CPB2: variants seen among roughly 807,000 people sequenced by gnomAD.
The protein encoded by CPB2 is carboxypeptidase B-like protein.
A neutral mutation model predicts 57.0 loss-of-function variants in CPB2; 54 were observed. That is an observed-to-expected ratio of 0.95 (90% CI 0.76 to 1.19). The LOEUF is 1.19. CPB2 is among the 50% of genes most tolerant of loss of function. The pLI, the probability that CPB2 is intolerant of heterozygous loss-of-function variation, is 0.00. For missense variants in CPB2, 426 were observed against 512.0 expected, an observed-to-expected ratio of 0.83 and a Z score of 1.62; for synonymous variants, 189 against 178.1, an observed-to-expected ratio of 1.06 and a Z score of -0.49.
At chr13:46,081,826 T>C (rs537157776) in intron 4 of CPB2, among the ~76,000 whole-genome samples, 7 of 152,334 alleles carry the variant, frequency 4.6e-5, no homozygotes, top group African/African-American at 1.7e-4. Flanking sequence ...GGAATGGCTT[T>C]TAGTGGATTA....
At chr13:46,073,774 C>A in intron 6 of CPB2, 99 bp downstream of exon 6, 1 of 719,768 alleles carries the variant, frequency 1.4e-6, no homozygotes, top group South Asian at 3.7e-5. Flanking sequence ...ATGATGTGAC[C>A]TAGGAAAATG....
chr13:46,063,676 G>A (rs766406879), intron 8 of CPB2, among the ~76,000 whole-genome samples: 5 of 152,076 alleles, frequency 3.3e-5, no homozygotes, highest in Admixed American at 6.5e-5. Flanking sequence ...TTTCCTATGA[G>A]TATATACTCA....
At chr13:46,087,949 T>C in intron 1 of CPB2, 129 bp from the exon 2 acceptor site, 2 of 606,328 alleles carry the variant, frequency 3.3e-6, no homozygotes, top group Non-Finnish European at 5.7e-6. Flanking sequence ...GGACAGAGGA[T>C]CTTACTACAG....
chr13:46,104,455 C>T (rs1304324276), intron 1 of CPB2, among the ~76,000 whole-genome samples: 1 of 152,178 alleles, frequency 6.6e-6, no homozygotes, highest in Non-Finnish European at 1.5e-5. Context: ...TTCTTTATCA[C>T]ACAACTCTTC....
chr13:46,092,073 C>T (rs78667253), intron 1 of CPB2, among the ~76,000 whole-genome samples: 1,902 of 152,220 alleles, frequency 0.012, 36 homozygotes, highest in African/African-American at 0.043. Context: ...CTTTTATTTT[C>T]AAACAAATAT....
At chr13:46,083,684 A>AT (rs1376302064) in intron 3 of CPB2, among the ~76,000 whole-genome samples, 1 of 152,174 alleles carries the variant, frequency 6.6e-6, no homozygotes, top group East Asian at 1.9e-4. Flanking sequence ...TACCCTTAAT[A>AT]TACAAAACTT....
chr13:46,064,352 C>G (rs2139358326), intron 8 of CPB2, among the ~76,000 whole-genome samples: 1 of 152,226 alleles, frequency 6.6e-6, no homozygotes, highest in Admixed American at 6.5e-5. Flanking sequence ...TTAACTGTCA[C>G]TTCTTTATTA....
At chr13:46,054,230 T>G (rs2044650702) in intron 10 of CPB2, among the ~76,000 whole-genome samples, 1 of 152,246 alleles carries the variant, frequency 6.6e-6, no homozygotes, top group Admixed American at 6.5e-5. Flanking sequence ...CACATTTGTT[T>G]GGCATATTTA....
chr13:46,064,206 G>A (rs2044818333), intron 8 of CPB2, among the ~76,000 whole-genome samples: 1 of 152,032 alleles, frequency 6.6e-6, no homozygotes, highest in Non-Finnish European at 1.5e-5. Context: ...GCTGCAGTGA[G>A]CCAAGATTGT....
chr13:46,069,896 A>G (rs890767377), intron 6 of CPB2, among the ~76,000 whole-genome samples: 1 of 152,210 alleles, frequency 6.6e-6, no homozygotes, highest in African/African-American at 2.4e-5. Context: ...TCTTTTGAGG[A>G]ACTTCCACAT....
At chr13:46,068,219 T>C (rs1202375186) in intron 6 of CPB2, among the ~76,000 whole-genome samples, 1 of 152,258 alleles carries the variant, frequency 6.6e-6, no homozygotes, top group Non-Finnish European at 1.5e-5. Flanking sequence ...ATTAAATATT[T>C]AATTTAGTTT....
At chr13:46,085,670 A>C (rs544617984) in intron 2 of CPB2, among the ~76,000 whole-genome samples, 1 of 152,272 alleles carries the variant, frequency 6.6e-6, no homozygotes, top group South Asian at 2.1e-4. Flanking sequence ...TCCCGCCTCT[A>C]TCCTCCAACA....
At chr13:46,068,438 A>C (rs1369715549) in intron 6 of CPB2, among the ~76,000 whole-genome samples, 3 of 152,258 alleles carry the variant, frequency 2.0e-5, no homozygotes, top group East Asian at 3.8e-4. Flanking sequence ...GGAGAGAAAG[A>C]AAAGAAAAAA....
At chr13:46,086,158 C>T (rs1566412755) in intron 2 of CPB2, among the ~76,000 whole-genome samples, 1 of 152,146 alleles carries the variant, frequency 6.6e-6, no homozygotes, top group Non-Finnish European at 1.5e-5. Flanking sequence ...TGTCATAGTC[C>T]TGCCTCGGGG....
chr13:46,087,843 AT>A, intron 1 of CPB2, 23 bp from the exon 2 acceptor site: 1 of 1,495,252 alleles, frequency 6.7e-7, no homozygotes, highest in Non-Finnish European at 9.3e-7. Flanking sequence ...ATAAAAGAGG[AT>A]TTTGATATTA....
intron 6 of CPB2, 39 bp from the exon 7 acceptor site, chr13:46,067,456 A>C: frequency 3.0e-6 from 3 of 1,002,978 alleles, no homozygotes; most frequent in Non-Finnish European, 4.7e-6. Flanking sequence ...AGATGTTTTA[A>C]GTTCTTCTAA....
chr13:46,101,630 A>G (rs746721060), intron 1 of CPB2, among the ~76,000 whole-genome samples: 15 of 152,244 alleles, frequency 9.9e-5, no homozygotes, highest in Non-Finnish European at 2.1e-4. Context: ...TAGCACTTAC[A>G]CAATAACCAC....
At position 46,083,524 on chromosome 13, in the gene CPB2, C is replaced by G. The variant is rs578169868; in HGVS notation, c.275+695G>C. On this transcript the variant is annotated intron_variant, in intron 3 of 10. Transcript: ENST00000181383. ...GCATGGTCTCAAGGGGCCAGGCCACCAGGAAGGTACTGGCAGTTGGGCAGT... is the reference window on the plus strand; with the variant it reads ...GCATGGTCTCAAGGGGCCAGGCCACGAGGAAGGTACTGGCAGTTGGGCAGT... Among the ~76,000 whole-genome samples the G allele has an allele frequency of 1.2e-4, 19 of 152,214 alleles. 4 individuals are homozygous for G. Among genetic ancestry groups the G allele is most frequent in the African/African-American group, 4.6e-4 (19 of 41,526 alleles).
rs372799703 is a variant in CPB2, at chr13:46,053,568, A to T, written c.*46T>A. ...TGATACAATGATTTGGTCTTGCTGG[A>T]ATCAGTAAATTAAAATACGGAAGCA... On this transcript the variant is annotated 3_prime_UTR_variant, in exon 11 of 11. Transcript: ENST00000181383. The T allele has an allele frequency of 7.2e-5, 114 of 1,589,012 alleles. No individual in the cohort carries two copies. The highest frequency in any genetic ancestry group is 2.5e-4 in the Admixed American group (14 of 56,334).
Sources: gnomAD v4.1 joint callset for allele counts (sites outside exome capture counted in the v4.1 genomes callset) on GRCh38, gnomAD v4.1.1 for gene constraint, MANE v1.5 for transcripts, NCBI Gene and HGNC (gene_info 2026-07-23, HGNC 2026-07-21) for gene names.